HCN1: variants seen among roughly 807,000 people sequenced by gnomAD.
HCN1 encodes the protein hyperpolarization activated cyclic nucleotide gated potassium channel 1, also known as potassium/sodium hyperpolarization-activated cyclic nucleotide-gated channel 1.
In HCN1, 13 loss-of-function variants were observed where a neutral mutation model predicts 78.9. The ratio of observed to expected loss-of-function variants is 0.16; its 90% confidence interval spans 0.11 to 0.26. HCN1 has a LOEUF of 0.26. HCN1 is among the 10% of genes least tolerant of loss of function. HCN1 has a pLI of 1.00. For missense variants in HCN1, 810 were observed against 1,154.3 expected (o/e 0.70, Z 4.32); for synonymous variants, 552 against 455.5 (o/e 1.21, Z -2.70).
chr5:45,348,688 A>G (rs1221801133), intron 5 of HCN1, among the ~76,000 whole-genome samples: 1 of 152,218 alleles, frequency 6.6e-6, no homozygotes, highest in African/African-American at 2.4e-5. Flanking sequence ...TCTACCAAGC[A>G]AATGGAAAAC....
chr5:45,493,594 T>C (rs1279652408), intron 2 of HCN1, among the ~76,000 whole-genome samples: 1 of 150,314 alleles, frequency 6.7e-6, no homozygotes, highest in Non-Finnish European at 1.5e-5. Flanking sequence ...TTAGCTTTTA[T>C]TTTTTTTTAT....
chr5:45,463,658 C>A (rs1579911306), intron 2 of HCN1, among the ~76,000 whole-genome samples: 1 of 151,956 alleles, frequency 6.6e-6, no homozygotes, highest in Non-Finnish European at 1.5e-5. Flanking sequence ...AGAAACTCTA[C>A]TAACAATTTC....
At position 45,272,428 on chromosome 5, in the gene HCN1, T is replaced by C. The variant is rs150044653; in HGVS notation, c.1619-5175A>G. On this transcript the variant is annotated intron_variant, in intron 6 of 7. Transcript: ENST00000303230. The stretch of plus-strand genomic sequence containing the variant: ...TTCTGTTTCCTAAATAATGGCTTTA[T>C]CAACCTAGCTGGTTTAAGACATTTT... 6.0e-4 allele frequency among the ~76,000 whole-genome samples: 91 copies of C among 152,232 alleles called. 1 individual carries two copies. In the East Asian group the frequency reaches 9.8e-3, roughly 16 times the overall value.
At chr5:45,505,402 A>C (rs2111743852) in intron 2 of HCN1, among the ~76,000 whole-genome samples, 1 of 152,302 alleles carries the variant, frequency 6.6e-6, no homozygotes, top group East Asian at 1.9e-4. Context: ...GTCAAAGATC[A>C]GATGGTTGTA....
chr5:45,295,648 T>C (rs1161508509), intron 6 of HCN1, among the ~76,000 whole-genome samples: 1 of 152,022 alleles, frequency 6.6e-6, no homozygotes, highest in Non-Finnish European at 1.5e-5. Context: ...TTTAAATAAG[T>C]CTCCTTAGCT....
intron 2 of HCN1, among the ~76,000 whole-genome samples, chr5:45,598,341 G>T (rs568188318): frequency 2.9e-4 from 44 of 152,240 alleles, no homozygotes; most frequent in African/African-American, 9.9e-4. Flanking sequence ...AATAAATGGT[G>T]CTGGGAAAAC....
intron 2 of HCN1, among the ~76,000 whole-genome samples, chr5:45,498,865 G>T (rs1422216281): frequency 4.6e-5 from 7 of 152,118 alleles, no homozygotes; most frequent in Non-Finnish European, 1.0e-4. Context: ...GTCTGCCCCT[G>T]CCGTGTGGTG....
intron 3 of HCN1, among the ~76,000 whole-genome samples, chr5:45,440,618 T>C (rs1740651798): frequency 6.6e-6 from 1 of 152,210 alleles, no homozygotes; most frequent in Non-Finnish European, 1.5e-5. Context: ...AAACTCCCTG[T>C]GCTGCTGCGT....
chr5:45,539,187 A>G (rs963308841), intron 2 of HCN1, among the ~76,000 whole-genome samples: 4 of 152,162 alleles, frequency 2.6e-5, no homozygotes, highest in Non-Finnish European at 5.9e-5. Context: ...GACTTATTTT[A>G]TGTATTAAAT....
At chr5:45,646,392 C>T (rs1354142725) in intron 1 of HCN1, among the ~76,000 whole-genome samples, 16 of 107,732 alleles carry the variant, frequency 1.5e-4, no homozygotes, top group Admixed American at 5.5e-4. Context: ...TTTTTTGAGA[C>T]GGAGTTTCAT....
chr5:45,645,772 C>A (rs568163304), intron 1 of HCN1, among the ~76,000 whole-genome samples, 164 bp from the exon 2 acceptor site: 1 of 151,878 alleles, frequency 6.6e-6, no homozygotes, highest in Admixed American at 6.6e-5. Flanking sequence ...ATGTTTAAAT[C>A]TAAGTAAAAT....
At chr5:45,627,943 A>T (rs1283755856) in intron 2 of HCN1, among the ~76,000 whole-genome samples, 1 of 152,206 alleles carries the variant, frequency 6.6e-6, no homozygotes, top group Non-Finnish European at 1.5e-5. Context: ...CAATACTCTT[A>T]GTTTCTTTGT....
intron 3 of HCN1, among the ~76,000 whole-genome samples, chr5:45,432,444 C>T (rs963486066): frequency 6.6e-6 from 1 of 151,736 alleles, no homozygotes; most frequent in Non-Finnish European, 1.5e-5. Context: ...TCTGATTGCT[C>T]TAGTACTTCT....
chr5:45,263,966 T>C (rs961575694), intron 7 of HCN1, among the ~76,000 whole-genome samples: 5 of 152,098 alleles, frequency 3.3e-5, no homozygotes, highest in African/African-American at 9.7e-5. Flanking sequence ...GTTAATTTTT[T>C]GTATTTTTAG....
At chr5:45,302,735 G>T (rs1014313479) in intron 6 of HCN1, among the ~76,000 whole-genome samples, 1 of 151,858 alleles carries the variant, frequency 6.6e-6, no homozygotes, top group Non-Finnish European at 1.5e-5. Context: ...ACATTTATGG[G>T]AGGGACCCAG....
At chr5:45,670,307 A>T (rs1474641610) in intron 1 of HCN1, among the ~76,000 whole-genome samples, 1 of 151,752 alleles carries the variant, frequency 6.6e-6, no homozygotes. Context: ...TCAATAATGA[A>T]AAAAGTTAAT....
intron 5 of HCN1, among the ~76,000 whole-genome samples, chr5:45,306,040 T>C (rs1490282890): frequency 2.6e-5 from 4 of 151,914 alleles, no homozygotes; most frequent in Non-Finnish European, 5.9e-5. Context: ...AATATTTCTA[T>C]ACAAAAACAA....
In HCN1 at chr5:45,470,617, ATACT is replaced by A. The variant is rs199919295; in HGVS notation, c.850-8614_850-8611del. On this transcript the variant is annotated intron_variant, in intron 2 of 7. Transcript: ENST00000303230. ...TGATAGATCACCTTAAGTGCCAAAA[ATACT>A]TAACTATCTGAATTGTCGAAAGTTT... Among the ~76,000 whole-genome samples, 6 of 152,100 alleles carry A rather than the reference ATACT, an allele frequency of 3.9e-5. No homozygotes were observed. In the East Asian group the frequency reaches 9.6e-4, roughly 24 times the overall value.
intron 6 of HCN1, among the ~76,000 whole-genome samples, chr5:45,286,642 G>A (rs1745274871): frequency 6.6e-6 from 1 of 151,880 alleles, no homozygotes; most frequent in African/African-American, 2.4e-5. Flanking sequence ...GAAAATATTA[G>A]ACACATCTTT....
Sources: gnomAD v4.1 joint callset for allele counts (sites outside exome capture counted in the v4.1 genomes callset) on GRCh38, gnomAD v4.1.1 for gene constraint, MANE v1.5 for transcripts, NCBI Gene and HGNC (gene_info 2026-07-23, HGNC 2026-07-21) for gene names.